Variants in EHMT1 observed in about 807,000 individuals in gnomAD.
The protein encoded by EHMT1 is euchromatic histone lysine methyltransferase 1, also known as histone-lysine N-methyltransferase EHMT1.
Under a neutral mutation model 147.2 loss-of-function variants are expected in EHMT1, and 15 were observed. That is an observed-to-expected ratio of 0.10 (90% confidence interval 0.07 to 0.16). The LOEUF is 0.16. Among genes scored for constraint, EHMT1 ranks in the 10% least tolerant of loss-of-function variants. The probability of loss-of-function intolerance (pLI) is 1.00; values close to 1 mark genes in which losing one functional copy is unlikely to be tolerated. For missense variants in EHMT1, 1,587 were observed against 1,772.4 expected, an observed-to-expected ratio of 0.90 and a Z score of 1.88; for synonymous variants, 795 against 709.6, an observed-to-expected ratio of 1.12 and a Z score of -1.91.
chr9:137,742,184 C>T (rs1403476072), intron 4 of EHMT1, among the ~76,000 whole-genome samples: 2 of 152,176 alleles, frequency 1.3e-5, no homozygotes, highest in Non-Finnish European at 2.9e-5. Flanking sequence ...TGCCCAGGCC[C>T]CGCGGCGTCT....
chr9:137,667,926 C>T (rs1367117897), intron 1 of EHMT1, among the ~76,000 whole-genome samples: 1 of 152,066 alleles, frequency 6.6e-6, no homozygotes, highest in Non-Finnish European at 1.5e-5. Flanking sequence ...TTATCTTTAC[C>T]TTCAGGGTAA....
intron 4 of EHMT1, among the ~76,000 whole-genome samples, chr9:137,742,094 C>G (rs1323850599): frequency 2.0e-5 from 3 of 152,164 alleles, no homozygotes; most frequent in African/African-American, 2.4e-5. Flanking sequence ...AGCCTGACCC[C>G]CATGAACATA....
chr9:137,648,308 A>C (rs1384653082), intron 1 of EHMT1, among the ~76,000 whole-genome samples: 2 of 152,158 alleles, frequency 1.3e-5, no homozygotes, highest in Non-Finnish European at 2.9e-5. Context: ...GTCAATGTTA[A>C]AACACAGACA....
chr9:137,765,124 A>G (rs563167859), intron 10 of EHMT1, among the ~76,000 whole-genome samples: 1 of 152,322 alleles, frequency 6.6e-6, no homozygotes, highest in African/African-American at 2.4e-5. Flanking sequence ...GCCTGCATCC[A>G]TTGTTTCATT....
chr9:137,741,741 T>C (rs572130205), intron 4 of EHMT1, among the ~76,000 whole-genome samples: 1 of 152,286 alleles, frequency 6.6e-6, no homozygotes, highest in South Asian at 2.1e-4. Context: ...TGGCCCTCTG[T>C]GTTCAGGGGT....
At chr9:137,834,025 C>T (rs539149184) in intron 25 of EHMT1, 12 of 424,836 alleles carry the variant, frequency 2.8e-5, no homozygotes, top group African/African-American at 2.2e-4. Context: ...CCCATGGGTC[C>T]TCGGGTGGGA....
chr9:137,716,948 C>G lies in EHMT1; in HGVS notation c.408C>G (p.Pro136=), dbSNP rs1331621806. The change falls in exon 3 of 27, where the codon CCC becomes CCG. Residue 136 remains proline (P), a synonymous_variant. Coordinates refer to ENST00000460843, the MANE Select transcript of EHMT1 (RefSeq NM_024757.5). The part of the protein sequence containing the change: ...ILNKPALQAQ[P]LRTTSTLASS... ...ATAAGCCGGCCCTACAGGCACAGCCCTTGAGGACTACCAGCACTCTGGCCT... is the reference window on the plus strand; with the variant it reads ...ATAAGCCGGCCCTACAGGCACAGCCGTTGAGGACTACCAGCACTCTGGCCT... The G allele has an allele frequency of 1.9e-6, 3 of 1,612,810 alleles. No homozygotes were observed. The highest frequency in any genetic ancestry group is 2.5e-6 in the Non-Finnish European group (3 of 1,179,838).
chr9:137,629,036 T>A (rs1200941369), intron 1 of EHMT1, among the ~76,000 whole-genome samples: 2 of 152,090 alleles, frequency 1.3e-5, no homozygotes, highest in African/African-American at 4.8e-5. Context: ...AAGTGGGCAG[T>A]TTGATTTTAA....
chr9:137,798,945 C>CTGTGTGG, intron 17 of EHMT1, 31 bp downstream of exon 17: 5 of 1,538,292 alleles, frequency 3.3e-6, no homozygotes, highest in Non-Finnish European at 4.5e-6. Flanking sequence ...TAGCAGTACA[C>CTGTGTGG]TGTGTGGACT....
At chr9:137,743,321 G>T in intron 4 of EHMT1, 50 bp from the exon 5 acceptor site, 1 of 1,533,212 alleles carries the variant, frequency 6.5e-7, no homozygotes, top group East Asian at 2.4e-5. Context: ...CATTTGAATG[G>T]TGTTTCTTTT....
chr9:137,697,469 A>G (rs1273424093), intron 1 of EHMT1, among the ~76,000 whole-genome samples: 1 of 152,242 alleles, frequency 6.6e-6, no homozygotes, highest in Non-Finnish European at 1.5e-5. Context: ...ACACAGGGTC[A>G]TACAGTTTAC....
intron 6 of EHMT1, among the ~76,000 whole-genome samples, chr9:137,751,546 G>A (rs998281432): frequency 1.4e-4 from 21 of 152,176 alleles, no homozygotes; most frequent in African/African-American, 5.1e-4. Context: ...GCCCCATGCC[G>A]CCTTAGGGAG....
chr9:137,745,590 A>G (rs764671939), intron 6 of EHMT1: 6 of 398,528 alleles, frequency 1.5e-5, no homozygotes, highest in Middle Eastern at 6.2e-4. Flanking sequence ...CCCTCCCCGA[A>G]GGACAGGCAG....
chr9:137,775,394 T>C lies in EHMT1; in HGVS notation c.1791+142T>C. 7.9e-7 allele frequency: 1 copy of C among 1,265,140 alleles called. No individual in the cohort carries two copies. The allele number at this position is 1,265,140 out of a possible 1,614,324, so 78.4% of individuals were successfully genotyped here. On this transcript the variant is annotated intron_variant, in intron 11 of 26. Transcript: ENST00000460843. This position sits in a 1 kb window ranked among gnomAD's most constrained non-coding sequence, Gnocchi z 6.1. ...CTGGTGTCCGTCTGGAGGTCTCCAG[T>C]GTTCACAAGCCCCTCACCACCCCTG...
At chr9:137,663,969 T>A (rs1320335489) in intron 1 of EHMT1, among the ~76,000 whole-genome samples, 1 of 152,254 alleles carries the variant, frequency 6.6e-6, no homozygotes, top group Admixed American at 6.5e-5. Context: ...AGTATATGCA[T>A]AATAAATTCT....
intron 1 of EHMT1, among the ~76,000 whole-genome samples, chr9:137,670,739 G>T (rs551789489): frequency 4.0e-4 from 61 of 152,264 alleles, no homozygotes; most frequent in Non-Finnish European, 7.6e-4. Flanking sequence ...GCCTGTCTGC[G>T]CGTCTTCCTC....
At chr9:137,788,374 C>A in intron 15 of EHMT1, 1 of 328,306 alleles carries the variant, frequency 3.0e-6, no homozygotes, top group South Asian at 9.7e-5. Flanking sequence ...TCTGCCAGCG[C>A]CTCAGCCGGG....
intron 1 of EHMT1, among the ~76,000 whole-genome samples, chr9:137,704,384 G>A (rs959127301): frequency 5.3e-5 from 8 of 152,340 alleles, no homozygotes; most frequent in East Asian, 1.9e-4. Flanking sequence ...GACCAAGACC[G>A]GAGGCTTGTG....
chr9:137,641,728 G>T (rs939704686), intron 1 of EHMT1, among the ~76,000 whole-genome samples: 1 of 152,176 alleles, frequency 6.6e-6, no homozygotes, highest in Non-Finnish European at 1.5e-5. Context: ...TTCCTTTCAG[G>T]CAGGGGCAGA....
Sources: allele counts gnomAD v4.1 joint callset (sites outside exome capture counted in the v4.1 genomes callset), GRCh38; gene constraint gnomAD v4.1.1; non-coding constraint Gnocchi (gnomAD v3.1); transcripts MANE v1.5; gene names NCBI Gene and HGNC (gene_info 2026-07-23, HGNC 2026-07-21).